RFPL1: variants seen among roughly 807,000 people sequenced by gnomAD.
The protein encoded by RFPL1 is ret finger protein-like 1.
A neutral mutation model predicts 9.6 loss-of-function variants in RFPL1; 6 were observed. The ratio of observed to expected loss-of-function variants is 0.62; its 90% CI spans 0.34 to 1.23. RFPL1 has a LOEUF of 1.23. Among genes scored for constraint, RFPL1 ranks in the 50% most tolerant of loss-of-function variants. The pLI is 0.03. For synonymous variants in RFPL1, 145 were observed against 149.4 expected (o/e 0.97, Z 0.22); for missense variants, 352 against 398.4 (o/e 0.88, Z 0.99).
the RFPL1 span, among the ~76,000 whole-genome samples, chr22:29,392,137 G>A: frequency 6.6e-6 from 1 of 151,966 alleles, no homozygotes; most frequent in Non-Finnish European, 1.5e-5. Context: ...GGAGTGGAGT[G>A]GCAGCAATCT....
the RFPL1 span, among the ~76,000 whole-genome samples, chr22:29,426,517 C>T: frequency 6.6e-6 from 1 of 152,034 alleles, no homozygotes; most frequent in East Asian, 1.9e-4. Context: ...TTTGGGAGGC[C>T]GAGGTGGGAG....
the RFPL1 span, among the ~76,000 whole-genome samples, chr22:29,406,107 CTCCT>C: frequency 1.8e-4 from 13 of 74,012 alleles, no homozygotes; most frequent in East Asian, 4.6e-3. Context: ...CAGAGCGAGA[CTCCT>C]TCTCAAAAAA....
intron 1 of RFPL1, chr22:29,439,711 A>G (rs2062828986): frequency 6.5e-6 from 1 of 153,072 alleles, no homozygotes; most frequent in African/African-American, 2.4e-5. Flanking sequence ...TTACCTGGGG[A>G]TCTTGTTAAA....
At chr22:29,414,287 G>A in the RFPL1 span, among the ~76,000 whole-genome samples, 1 of 151,404 alleles carries the variant, frequency 6.6e-6, no homozygotes, top group East Asian at 1.9e-4. Context: ...TCATGTCTGT[G>A]GACTAGATTT....
the RFPL1 span, among the ~76,000 whole-genome samples, chr22:29,430,315 C>T: frequency 6.6e-6 from 1 of 152,110 alleles, no homozygotes; most frequent in Non-Finnish European, 1.5e-5. Context: ...AGGTGCCTGA[C>T]ACTCAAATAT....
chr22:29,389,280 C>T, the RFPL1 span, among the ~76,000 whole-genome samples: 1 of 152,008 alleles, frequency 6.6e-6, no homozygotes, highest in Non-Finnish European at 1.5e-5. Context: ...CCCAGCTACT[C>T]GGGAGCCTGA....
the RFPL1 span, among the ~76,000 whole-genome samples, chr22:29,399,574 C>T: frequency 6.6e-6 from 1 of 152,204 alleles, no homozygotes; most frequent in South Asian, 2.1e-4. Flanking sequence ...GTCTTTTCCC[C>T]TTCCACTGTG....
the RFPL1 span, among the ~76,000 whole-genome samples, chr22:29,397,145 G>A: frequency 3.3e-5 from 5 of 149,782 alleles, no homozygotes; most frequent in East Asian, 2.0e-4. Context: ...TCCTGACCTC[G>A]TGATCCGCCC....
chr22:29,414,374 G>A, the RFPL1 span, among the ~76,000 whole-genome samples: 1 of 152,154 alleles, frequency 6.6e-6, no homozygotes, highest in Non-Finnish European at 1.5e-5. Flanking sequence ...TACTTTTGTT[G>A]AAAACCTTGT....
the RFPL1 span, among the ~76,000 whole-genome samples, chr22:29,400,151 G>A: frequency 1.3e-5 from 2 of 151,836 alleles, no homozygotes; most frequent in South Asian, 2.1e-4. Flanking sequence ...GCCCGCCACC[G>A]CTCCCGGCTA....
the RFPL1 span, among the ~76,000 whole-genome samples, chr22:29,420,941 C>G: frequency 2.0e-5 from 3 of 151,970 alleles, no homozygotes; most frequent in African/African-American, 7.3e-5. Flanking sequence ...GTGCCCAGCC[C>G]CCCTGAGCCC....
At chr22:29,414,318 A>G in the RFPL1 span, among the ~76,000 whole-genome samples, 59 of 152,228 alleles carry the variant, frequency 3.9e-4, no homozygotes, top group Non-Finnish European at 7.8e-4. Context: ...CAGATTAGAA[A>G]TTACCATAAT....
At chr22:29,391,975 AG>A in the RFPL1 span, among the ~76,000 whole-genome samples, 1 of 152,182 alleles carries the variant, frequency 6.6e-6, no homozygotes. Flanking sequence ...ATGCTGTGAG[AG>A]GGGACATACT....
chr22:29,430,316 A>G, the RFPL1 span, among the ~76,000 whole-genome samples: 3 of 152,120 alleles, frequency 2.0e-5, no homozygotes, highest in Admixed American at 2.0e-4. Flanking sequence ...GGTGCCTGAC[A>G]CTCAAATATC....
At chr22:29,424,695 G>A in the RFPL1 span, among the ~76,000 whole-genome samples, 4 of 150,754 alleles carry the variant, frequency 2.7e-5, no homozygotes, top group Admixed American at 2.6e-4. Context: ...GCTGGACGCA[G>A]TGGTGCACAC....
chr22:29,438,556 C>T, upstream of RFPL1: 1 of 1,372,330 alleles, frequency 7.3e-7, no homozygotes, highest in South Asian at 1.7e-5. Flanking sequence ...GAAATGACCC[C>T]AGCTCGCTGT....
the RFPL1 span, among the ~76,000 whole-genome samples, chr22:29,410,306 C>CTA: frequency 3.2e-3 from 287 of 90,812 alleles, 3 homozygotes; most frequent in African/African-American, 0.016. Context: ...AGATATATAT[C>CTA]TATATATAGA....
At chr22:29,401,160 A>G in the RFPL1 span, among the ~76,000 whole-genome samples, 84 of 152,246 alleles carry the variant, frequency 5.5e-4, no homozygotes, top group Non-Finnish European at 9.8e-4. Flanking sequence ...CTGTTATGAC[A>G]ATAGAATTTA....
chr22:29,394,914 C>T, the RFPL1 span, among the ~76,000 whole-genome samples: 4 of 152,128 alleles, frequency 2.6e-5, no homozygotes, highest in Non-Finnish European at 5.9e-5. Context: ...CTCCACTCAC[C>T]CTTACCTGCT....
Sources: gnomAD v4.1 joint callset for allele counts (sites outside exome capture counted in the v4.1 genomes callset) on GRCh38, gnomAD v4.1.1 for gene constraint, MANE v1.5 for transcripts, NCBI Gene and HGNC (gene_info 2026-07-23, HGNC 2026-07-21) for gene names.